The following CIRSR variants were observed in gnomAD, a reference collection of about 807,000 sequenced individuals.
The protein encoded by CIRSR is corepressor of RBPJ and splicing regulator.
chr2:174,379,049 T>C, the CIRSR span: 1 of 1,585,714 alleles, frequency 6.3e-7, no homozygotes, highest in South Asian at 1.1e-5. Flanking sequence ...ACCTGAGAAA[T>C]AATGAATGTG....
At chr2:174,370,514 T>C in the CIRSR span, among the ~76,000 whole-genome samples, 1 of 152,284 alleles carries the variant, frequency 6.6e-6, no homozygotes, top group Non-Finnish European at 1.5e-5. Flanking sequence ...ATTAATTTGC[T>C]TTATAGGTAC....
chr2:174,350,988 A>G, the CIRSR span, among the ~76,000 whole-genome samples: 1 of 152,198 alleles, frequency 6.6e-6, no homozygotes, highest in East Asian at 1.9e-4. Flanking sequence ...TTTCCAGGAA[A>G]AGGATGATAG....
the CIRSR span, among the ~76,000 whole-genome samples, chr2:174,361,558 A>C: frequency 6.6e-6 from 1 of 152,266 alleles, no homozygotes; most frequent in African/African-American, 2.4e-5. Flanking sequence ...AAGCATGTGC[A>C]GCGCTTCTTG....
chr2:174,375,653 G>A, the CIRSR span, among the ~76,000 whole-genome samples: 3 of 152,280 alleles, frequency 2.0e-5, no homozygotes, highest in East Asian at 5.8e-4. Flanking sequence ...TACCACACTT[G>A]TGCCAATATT....
chr2:174,379,792 C>T, the CIRSR span, among the ~76,000 whole-genome samples: 34 of 137,454 alleles, frequency 2.5e-4, 1 homozygote, highest in South Asian at 5.2e-3. Flanking sequence ...GGTGCAGTCT[C>T]GGCTCACTGC....
At chr2:174,393,722 C>T in the CIRSR span, among the ~76,000 whole-genome samples, 1 of 151,370 alleles carries the variant, frequency 6.6e-6, no homozygotes, top group Admixed American at 6.6e-5. Flanking sequence ...TGGAGTATGA[C>T]ATATAAAAAG....
the CIRSR span, chr2:174,378,758 A>T: frequency 1.5e-6 from 1 of 654,182 alleles, no homozygotes; most frequent in Non-Finnish European, 2.7e-6. Flanking sequence ...ATATATGATC[A>T]GAGTTTCCCA....
chr2:174,367,461 T>A, the CIRSR span, among the ~76,000 whole-genome samples: 3 of 152,070 alleles, frequency 2.0e-5, no homozygotes, highest in East Asian at 5.8e-4. Flanking sequence ...GCGCCTGTAG[T>A]CCCAGCTACT....
chr2:174,389,396 G>T, the CIRSR span, among the ~76,000 whole-genome samples: 1 of 152,194 alleles, frequency 6.6e-6, no homozygotes, highest in Non-Finnish European at 1.5e-5. Context: ...CTCTTGCTAG[G>T]CAAAGAAACT....
chr2:174,350,898 T>A, the CIRSR span, among the ~76,000 whole-genome samples: 17 of 152,152 alleles, frequency 1.1e-4, no homozygotes, highest in South Asian at 8.3e-4. Context: ...AATTAAAAAA[T>A]TTTTTTGTAG....
At chr2:174,387,601 A>C in the CIRSR span, 1 of 1,426,508 alleles carries the variant, frequency 7.0e-7, no homozygotes, top group Non-Finnish European at 9.4e-7. Context: ...GATTCCAAAA[A>C]ACTGACTTAA....
chr2:174,387,773 T>C, the CIRSR span: 2 of 1,584,350 alleles, frequency 1.3e-6, no homozygotes, highest in East Asian at 2.3e-5. Context: ...TGTTCTGCCA[T>C]CCATACCTAG....
chr2:174,372,217 C>A, the CIRSR span, among the ~76,000 whole-genome samples: 2 of 151,998 alleles, frequency 1.3e-5, no homozygotes, highest in Non-Finnish European at 2.9e-5. Context: ...GTTTTTAATT[C>A]TTCTAAAACA....
the CIRSR span, among the ~76,000 whole-genome samples, chr2:174,366,267 G>T: frequency 6.6e-6 from 1 of 151,938 alleles, no homozygotes; most frequent in African/African-American, 2.4e-5. Flanking sequence ...AGAGAGAAAG[G>T]AACAGAAGAA....
chr2:174,362,115 T>C, the CIRSR span, among the ~76,000 whole-genome samples: 3 of 151,950 alleles, frequency 2.0e-5, no homozygotes, highest in Non-Finnish European at 2.9e-5. Flanking sequence ...CTGGGCAACA[T>C]AGTGAGAGCC....
chr2:174,382,408 G>C, the CIRSR span, among the ~76,000 whole-genome samples: 2 of 152,190 alleles, frequency 1.3e-5, no homozygotes, highest in Admixed American at 1.3e-4. Flanking sequence ...GGAGGCCAAA[G>C]CAAGTAGATC....
At chr2:174,378,937 G>T in the CIRSR span, 10 of 1,611,948 alleles carry the variant, frequency 6.2e-6, no homozygotes, top group Non-Finnish European at 8.5e-6. Flanking sequence ...GCCATCAGTG[G>T]GAACCGAACT....
chr2:174,357,963 T>C, the CIRSR span, among the ~76,000 whole-genome samples: 2 of 152,212 alleles, frequency 1.3e-5, no homozygotes, highest in Non-Finnish European at 2.9e-5. Flanking sequence ...AACTGCTCCA[T>C]ACTGGGAATT....
At chr2:174,370,906 G>A in the CIRSR span, among the ~76,000 whole-genome samples, 8 of 92,968 alleles carry the variant, frequency 8.6e-5, no homozygotes, top group South Asian at 5.1e-4. Flanking sequence ...GCGAGACTCC[G>A]TCTCAAAAAA....
Sources: gnomAD v4.1 joint callset for allele counts (sites outside exome capture counted in the v4.1 genomes callset) on GRCh38, gnomAD v4.1.1 for gene constraint, MANE v1.5 for transcripts, NCBI Gene and HGNC (gene_info 2026-07-23, HGNC 2026-07-21) for gene names.